The following WDTC1 variants were observed in gnomAD, a reference collection of about 807,000 sequenced individuals.
WDTC1 encodes the protein WD and tetratricopeptide repeats protein 1.
Under a neutral mutation model 76.0 loss-of-function variants are expected in WDTC1, and 12 were observed. The observed-to-expected ratio is 0.16, with a 90% CI of 0.10 to 0.26. WDTC1 has a LOEUF of 0.26. Ranked by LOEUF, WDTC1 falls within the 10% of genes least tolerant of loss-of-function variation. WDTC1 has a pLI of 1.00. For synonymous variants in WDTC1, 326 were observed against 350.8 expected (o/e 0.93, Z 0.79); for missense variants, 511 against 908.8 (o/e 0.56, Z 5.63).
intron 12 of WDTC1, among the ~76,000 whole-genome samples, chr1:27,300,348 T>G (rs965334098): frequency 2.0e-5 from 3 of 151,772 alleles, no homozygotes; most frequent in Non-Finnish European, 4.4e-5. Context: ...AAAAATGGCT[T>G]CTGAAGAAGC....
In WDTC1 at chr1:27,307,277, C is replaced by A. The variant is rs901467676; in HGVS notation, c.*894C>A. 2.0e-5 allele frequency: 3 copies of A among 153,142 alleles called. No homozygotes were observed. Among genetic ancestry groups the A allele is most frequent in the Admixed American group, 1.3e-4 (2 of 15,292 alleles). The allele number at this position is 153,142 out of a possible 1,614,324, so 9.5% of individuals were successfully genotyped here. On this transcript the variant is annotated 3_prime_UTR_variant, in exon 16 of 16. Transcript: ENST00000319394. This position sits in a 1 kb window ranked among gnomAD's most constrained non-coding sequence, Gnocchi z 4.1. ...CCTTCCCATCCCACATGCTGAGCCGCCACAAAGACCAAAGAAGTGATGGCT... is the reference window on the plus strand; with the variant it reads ...CCTTCCCATCCCACATGCTGAGCCGACACAAAGACCAAAGAAGTGATGGCT...
intron 14 of WDTC1, chr1:27,304,579 A>G (rs894331709): frequency 1.9e-5 from 3 of 156,764 alleles, no homozygotes; most frequent in African/African-American, 7.2e-5. Flanking sequence ...GGGTGACAGA[A>G]TGAGACCCTG....
chr1:27,287,525 T>C (rs568060944), intron 5 of WDTC1, 149 bp from the exon 6 acceptor site: 3 of 829,408 alleles, frequency 3.6e-6, no homozygotes, highest in Non-Finnish European at 5.5e-6. Flanking sequence ...CAGCTGGGAT[T>C]ACAGGCATGA....
At chr1:27,269,208 G>A (rs1238184019) in intron 3 of WDTC1, among the ~76,000 whole-genome samples, 24 of 146,972 alleles carry the variant, frequency 1.6e-4, no homozygotes, top group Non-Finnish European at 3.3e-4. Context: ...AGGTGTGGAG[G>A]CACATGCCTA....
chr1:27,245,847 G>A (rs1009840715), intron 1 of WDTC1, among the ~76,000 whole-genome samples: 6 of 151,664 alleles, frequency 4.0e-5, no homozygotes, highest in African/African-American at 1.5e-4. Context: ...TGGGATTACA[G>A]GCATGAGCCA....
At chr1:27,269,621 G>GTTTGTT (rs2012798173) in intron 3 of WDTC1, among the ~76,000 whole-genome samples, 23 of 126,806 alleles carry the variant, frequency 1.8e-4, no homozygotes, top group East Asian at 1.2e-3. Context: ...TTTTTTTTCG[G>GTTTGTT]TTTTTTTTTT....
At chr1:27,235,947 A>C (rs2011483394) in intron 1 of WDTC1, among the ~76,000 whole-genome samples, 1 of 152,128 alleles carries the variant, frequency 6.6e-6, no homozygotes, top group South Asian at 2.1e-4. Context: ...GTAAAGTGGC[A>C]GTGAAGTCTT....
chr1:27,256,151 C>G (rs376807487), intron 1 of WDTC1, among the ~76,000 whole-genome samples: 2 of 152,144 alleles, frequency 1.3e-5, no homozygotes, highest in Admixed American at 6.6e-5. Context: ...AGGCAGGACC[C>G]ACGACTAAAA....
At chr1:27,299,928 G>C (rs1243226760) in intron 12 of WDTC1, among the ~76,000 whole-genome samples, 1 of 152,160 alleles carries the variant, frequency 6.6e-6, no homozygotes, top group Non-Finnish European at 1.5e-5. Flanking sequence ...GGATGCAGTG[G>C]GAGCTGTCAC....
intron 2 of WDTC1, 50 bp downstream of exon 2, chr1:27,261,152 C>T (rs370917985): frequency 4.4e-6 from 7 of 1,608,246 alleles, no homozygotes; most frequent in African/African-American, 1.3e-5. Flanking sequence ...TTCTTTCCCA[C>T]AGATTGATTT....
intron 10 of WDTC1, 94 bp downstream of exon 10, chr1:27,296,495 C>T (rs1018132665): frequency 1.4e-5 from 18 of 1,322,290 alleles, no homozygotes; most frequent in African/African-American, 1.3e-4. Context: ...TACTCTGGAC[C>T]GTGATCCTCC....
chr1:27,304,750 A>G (rs565609523), intron 14 of WDTC1: 116 of 391,160 alleles, frequency 3.0e-4, no homozygotes, highest in Admixed American at 8.1e-4. Flanking sequence ...ATCCTGGCCC[A>G]AGGAGGTAAT....
At chr1:27,285,075 C>T (rs2013295687) in intron 5 of WDTC1, among the ~76,000 whole-genome samples, 3 of 131,424 alleles carry the variant, frequency 2.3e-5, no homozygotes, top group African/African-American at 2.9e-5. Context: ...CTCTGAATGT[C>T]GCCCAGGCTG....
intron 1 of WDTC1, among the ~76,000 whole-genome samples, chr1:27,258,740 T>G (rs1040003442): frequency 1.3e-5 from 2 of 152,170 alleles, no homozygotes; most frequent in Non-Finnish European, 2.9e-5. Context: ...AATGTTTAGG[T>G]GTCGAGTCTT....
chr1:27,250,712 T>G (rs1338710070), intron 1 of WDTC1, among the ~76,000 whole-genome samples: 4 of 152,074 alleles, frequency 2.6e-5, no homozygotes, highest in Non-Finnish European at 5.9e-5. Flanking sequence ...TTCTTCATAT[T>G]TGGATATTAC....
At chr1:27,276,131 G>A (rs982466317) in intron 3 of WDTC1, among the ~76,000 whole-genome samples, 2 of 152,162 alleles carry the variant, frequency 1.3e-5, no homozygotes, top group Admixed American at 1.3e-4. Context: ...ATCAGTTGGT[G>A]GAACATGTGG....
At chr1:27,298,558 T>G (rs990430731) in intron 12 of WDTC1, among the ~76,000 whole-genome samples, 3 of 152,192 alleles carry the variant, frequency 2.0e-5, no homozygotes, top group African/African-American at 7.2e-5. Flanking sequence ...AAGGCTTGCT[T>G]TCTGTGTTCT....
At chr1:27,294,906 T>C (rs980042792) in intron 9 of WDTC1, among the ~76,000 whole-genome samples, 2 of 152,228 alleles carry the variant, frequency 1.3e-5, no homozygotes, top group Non-Finnish European at 2.9e-5. Context: ...CAGACTTCTG[T>C]TCAAATGCTG....
intron 3 of WDTC1, among the ~76,000 whole-genome samples, chr1:27,273,776 T>G (rs1471257814): frequency 2.0e-5 from 3 of 151,914 alleles, no homozygotes; most frequent in Non-Finnish European, 4.4e-5. Flanking sequence ...AGTCTACAAC[T>G]GATTTCTCAA....
Sources: gnomAD v4.1 joint callset for allele counts (sites outside exome capture counted in the v4.1 genomes callset) on GRCh38, gnomAD v4.1.1 for gene constraint, Gnocchi (gnomAD v3.1) non-coding constraint, MANE v1.5 for transcripts, NCBI Gene and HGNC (gene_info 2026-07-23, HGNC 2026-07-21) for gene names.